The following SPATA13 variants were observed in gnomAD, a reference collection of about 807,000 sequenced individuals.
The protein encoded by SPATA13 is spermatogenesis associated 13.
In SPATA13, 50 loss-of-function variants were observed where a neutral mutation model predicts 104.0. The observed-to-expected ratio is 0.48, with a 90% CI of 0.38 to 0.61. The LOEUF is 0.61. SPATA13 is among the 20% of genes least tolerant of loss of function. SPATA13 has a pLI of 0.00. For missense variants in SPATA13, 1,524 were observed against 1,690.6 expected (o/e 0.90, Z 1.73); for synonymous variants, 606 against 667.5 (o/e 0.91, Z 1.42).
chr13:23,980,695 G>A (rs1456029377), intron 1 of SPATA13, among the ~76,000 whole-genome samples: 16 of 152,088 alleles, frequency 1.1e-4, no homozygotes, highest in Non-Finnish European at 1.9e-4. Context: ...GGGTTCAAGC[G>A]ATTCTCCTGC....
chr13:23,997,151 G>C (rs1376066350), intron 2 of SPATA13, among the ~76,000 whole-genome samples: 1 of 152,176 alleles, frequency 6.6e-6, no homozygotes, highest in African/African-American at 2.4e-5. Flanking sequence ...ACAACCATCA[G>C]TTTCAACTGA....
At chr13:24,086,311 G>A (rs1267531464) in intron 3 of SPATA13, among the ~76,000 whole-genome samples, 1 of 152,168 alleles carries the variant, frequency 6.6e-6, no homozygotes, top group Non-Finnish European at 1.5e-5. Context: ...AGCTTTCACT[G>A]GGTGTCCTGT....
At chr13:24,065,315 G>A (rs1375838150) in intron 3 of SPATA13, among the ~76,000 whole-genome samples, 1 of 152,088 alleles carries the variant, frequency 6.6e-6, no homozygotes, top group African/African-American at 2.4e-5. Flanking sequence ...TGATGTGTGT[G>A]GTGGAGAAGG....
intron 1 of SPATA13, among the ~76,000 whole-genome samples, chr13:23,980,184 C>CAA (rs949332397): frequency 6.8e-6 from 1 of 147,408 alleles, no homozygotes; most frequent in African/African-American, 2.5e-5. Flanking sequence ...GACTCCGTCT[C>CAA]AAAAAAAAAA....
chr13:24,165,827 A>G (rs907863060), intron 1 of SPATA13, among the ~76,000 whole-genome samples: 1 of 152,232 alleles, frequency 6.6e-6, no homozygotes, highest in Non-Finnish European at 1.5e-5. Flanking sequence ...GTCTCATTAC[A>G]CAGGATTCTT....
chr13:24,045,248 T>G (rs1206362605), intron 3 of SPATA13, among the ~76,000 whole-genome samples: 1 of 152,256 alleles, frequency 6.6e-6, no homozygotes, highest in Non-Finnish European at 1.5e-5. Context: ...ATTTATGTTC[T>G]TCTTGTCTTC....
chr13:24,160,373 G>C (rs2138482835), upstream of SPATA13, among the ~76,000 whole-genome samples: 1 of 152,276 alleles, frequency 6.6e-6, no homozygotes, highest in African/African-American at 2.4e-5. Context: ...AGCCTCCTGA[G>C]TAGCTGGGAT....
intron 4 of SPATA13, among the ~76,000 whole-genome samples, chr13:24,252,123 G>C (rs1873527063): frequency 6.6e-6 from 1 of 151,984 alleles, no homozygotes; most frequent in Admixed American, 6.6e-5. Flanking sequence ...CCTGCATGTG[G>C]AGATCCCTAA....
intron 3 of SPATA13, among the ~76,000 whole-genome samples, chr13:24,116,203 G>A (rs1010337205): frequency 9.9e-5 from 15 of 152,216 alleles, no homozygotes; most frequent in African/African-American, 3.4e-4. Context: ...CAGGTTCAGC[G>A]TCTGCTAAGC....
intron 3 of SPATA13, among the ~76,000 whole-genome samples, chr13:24,103,431 G>C (rs527588108): frequency 6.6e-5 from 9 of 136,928 alleles, no homozygotes; most frequent in Non-Finnish European, 1.1e-4. Context: ...GTTACACTGA[G>C]CTGTGATTAC....
chr13:24,010,721 T>C lies in SPATA13; in HGVS notation c.-146-6946T>C, dbSNP rs191504458. ...ATGAATCTTCCTCCCCACTCCTCCC[T>C]CCCTCCTGCTCCTCCATGGGGCAAT... On this transcript the variant is annotated intron_variant, in intron 2 of 14. Coordinates refer to the SPATA13 transcript ENST00000424834. Among the ~76,000 whole-genome samples, 26 of 152,054 alleles carry C rather than the reference T, an allele frequency of 1.7e-4. No individual in the cohort carries two copies. In the South Asian group the frequency reaches 2.1e-3, roughly 12 times the overall value.
At chr13:24,252,623 C>T (rs1400648374) in intron 4 of SPATA13, 1 of 152,218 alleles carries the variant, frequency 6.6e-6, no homozygotes, top group South Asian at 2.1e-4. Context: ...CCTCCCACCC[C>T]GTACCTGTGT....
chr13:24,178,185 C>G (rs1288830401), intron 1 of SPATA13, among the ~76,000 whole-genome samples: 1 of 152,102 alleles, frequency 6.6e-6, no homozygotes, highest in Non-Finnish European at 1.5e-5. Context: ...ATATCTGCAC[C>G]AGATCAACAT....
intron 4 of SPATA13, among the ~76,000 whole-genome samples, chr13:24,262,999 C>A (rs183572121): frequency 1.1e-3 from 171 of 152,114 alleles, no homozygotes; most frequent in Admixed American, 1.8e-3. Flanking sequence ...TATAGATTCT[C>A]TGGGCTGCAA....
At chr13:24,085,060 G>C (rs1879673370) in intron 3 of SPATA13, among the ~76,000 whole-genome samples, 1 of 151,678 alleles carries the variant, frequency 6.6e-6, no homozygotes, top group East Asian at 1.9e-4. Context: ...TTGGGGAGGC[G>C]GTGCCTTCGT....
intron 4 of SPATA13, among the ~76,000 whole-genome samples, chr13:24,280,727 C>T (rs1269747686): frequency 1.3e-5 from 2 of 151,992 alleles, no homozygotes; most frequent in Non-Finnish European, 2.9e-5. Flanking sequence ...TTAGAGAAGG[C>T]CTTTGTCTTC....
intron 3 of SPATA13, among the ~76,000 whole-genome samples, chr13:24,055,863 C>T (rs1317133794): frequency 6.6e-6 from 1 of 152,242 alleles, no homozygotes; most frequent in Non-Finnish European, 1.5e-5. Flanking sequence ...CAATCCACCA[C>T]CGCACGGGTC....
rs139288966 is a variant in SPATA13 at position 24,185,434 on chromosome 13, A to G, written c.-112+24502A>G. 6.0e-3 allele frequency among the ~76,000 whole-genome samples: 915 copies of G among 152,254 alleles called. 12 individuals are homozygous for G. Among genetic ancestry groups the G allele is most frequent in the African/African-American group, 0.021 (876 of 41,556 alleles). ...CTATCTGGAGATCCACTTAATGAGAAATAAACCTTTTAAGAGGGCTGAAAG... is the reference window on the plus strand; with the variant it reads ...CTATCTGGAGATCCACTTAATGAGAGATAAACCTTTTAAGAGGGCTGAAAG... On this transcript the variant is annotated intron_variant, in intron 1 of 12. Transcript: ENST00000382108.
intron 2 of SPATA13, among the ~76,000 whole-genome samples, chr13:24,013,298 A>G (rs1876563868): frequency 1.3e-5 from 2 of 152,138 alleles, no homozygotes; most frequent in African/African-American, 4.8e-5. Context: ...CCTGGCTTCC[A>G]CAGCATTGCA....
Sources: gnomAD v4.1 joint callset for allele counts (sites outside exome capture counted in the v4.1 genomes callset) on GRCh38, gnomAD v4.1.1 for gene constraint, MANE v1.5 for transcripts, NCBI Gene and HGNC (gene_info 2026-07-23, HGNC 2026-07-21) for gene names.